NTRK3: variants seen among roughly 807,000 people sequenced by gnomAD.
NTRK3 encodes the protein NT-3 growth factor receptor.
NTRK3 carries 24 observed loss-of-function variants against 91.7 expected under a neutral mutation model. The ratio of observed to expected loss-of-function variants is 0.26; its 90% CI spans 0.19 to 0.37. NTRK3 has a LOEUF of 0.37. Ranked by LOEUF, NTRK3 falls within the 10% of genes least tolerant of loss-of-function variation. NTRK3 has a pLI of 1.00. For missense variants in NTRK3, 880 were observed against 1,068.9 expected (o/e 0.82, Z 2.46); for synonymous variants, 483 against 404.0 (o/e 1.20, Z -2.34).
chr15:87,899,251 T>C (rs1484836843), intron 17 of NTRK3, among the ~76,000 whole-genome samples: 2 of 152,178 alleles, frequency 1.3e-5, no homozygotes, highest in Non-Finnish European at 2.9e-5. Flanking sequence ...AGATTTAGGC[T>C]GGATTAGGGA....
chr15:87,953,538 T>G (rs767207171), intron 14 of NTRK3, among the ~76,000 whole-genome samples: 1 of 152,102 alleles, frequency 6.6e-6, no homozygotes, highest in Admixed American at 6.5e-5. Context: ...CAGTGGAAAA[T>G]AGAGAAGGGA....
intron 10 of NTRK3, 45 bp from the exon 11 acceptor site, chr15:88,128,779 C>A (rs370594604): frequency 1.3e-6 from 2 of 1,547,836 alleles, no homozygotes; most frequent in Non-Finnish European, 1.8e-6. Flanking sequence ...TTAATAAAAA[C>A]CAGAACAGAC....
intron 14 of NTRK3, among the ~76,000 whole-genome samples, chr15:87,981,606 C>A (rs2074278833): frequency 6.6e-6 from 1 of 152,180 alleles, no homozygotes; most frequent in South Asian, 2.1e-4. Context: ...AAGAAAGATT[C>A]ACCATCACCA....
intron 13 of NTRK3, among the ~76,000 whole-genome samples, chr15:88,111,224 GTCCT>G (rs1449665961): frequency 1.3e-5 from 2 of 152,310 alleles, no homozygotes; most frequent in East Asian, 3.9e-4. Context: ...CCTGGATAGG[GTCCT>G]TCCAAGGCAA....
At chr15:88,142,753 C>A (rs972985802) in intron 6 of NTRK3, among the ~76,000 whole-genome samples, 1 of 152,330 alleles carries the variant, frequency 6.6e-6, no homozygotes, top group Non-Finnish European at 1.5e-5. Flanking sequence ...AGTGAATACA[C>A]TGGGTTTAGT....
At chr15:88,030,589 T>A (rs1178576728) in intron 14 of NTRK3, among the ~76,000 whole-genome samples, 1 of 152,166 alleles carries the variant, frequency 6.6e-6, no homozygotes, top group Non-Finnish European at 1.5e-5. Context: ...GGATCCTCAT[T>A]ATTCACAGAT....
At chr15:88,115,598 C>T (rs992321983) in intron 13 of NTRK3, among the ~76,000 whole-genome samples, 1 of 152,222 alleles carries the variant, frequency 6.6e-6, no homozygotes, top group African/African-American at 2.4e-5. Flanking sequence ...AGCACAGAGG[C>T]CCCTTTGAAT....
chr15:87,931,883 T>C (rs898660346), intron 16 of NTRK3, among the ~76,000 whole-genome samples: 2 of 152,200 alleles, frequency 1.3e-5, no homozygotes, highest in African/African-American at 4.8e-5. Flanking sequence ...ATAATTTACA[T>C]TTGAACTTTG....
At chr15:87,893,037 A>T (rs2065927489) in intron 17 of NTRK3, among the ~76,000 whole-genome samples, 1 of 152,214 alleles carries the variant, frequency 6.6e-6, no homozygotes, top group Admixed American at 6.5e-5. Flanking sequence ...TACTTTGAAG[A>T]TTTTTGATGG....
chr15:87,860,378 G>A (rs374590857), exon 19 of NTRK3: 3 of 220,528 alleles, frequency 1.4e-5, no homozygotes, highest in African/African-American at 6.7e-5. Context: ...AAGGAAGGGT[G>A]AGATGAAGAA....
intron 15 of NTRK3, 83 bp from the exon 16 acceptor site, chr15:87,933,267 A>C (rs2141959955): frequency 7.5e-7 from 1 of 1,340,184 alleles, no homozygotes; most frequent in Non-Finnish European, 1.1e-6. Context: ...AACTGGCCCC[A>C]CACACCACTG....
chr15:87,985,193 G>C (rs1473332322), intron 14 of NTRK3, among the ~76,000 whole-genome samples: 1 of 152,206 alleles, frequency 6.6e-6, no homozygotes, highest in East Asian at 1.9e-4. Context: ...AGCATGGTCA[G>C]AAATCAGGTT....
intron 14 of NTRK3, among the ~76,000 whole-genome samples, chr15:88,015,897 T>C (rs2077202813): frequency 3.9e-5 from 6 of 151,976 alleles, no homozygotes; most frequent in Admixed American, 3.9e-4. Context: ...CCAATGTGAA[T>C]ATAGCCTGGC....
intron 18 of NTRK3, 124 bp downstream of exon 19, chr15:87,880,146 G>T: frequency 8.3e-7 from 1 of 1,201,332 alleles, no homozygotes; most frequent in Non-Finnish European, 1.2e-6. Context: ...TCCCACTAAT[G>T]CCTGCATTCA....
rs552243749 is a variant in NTRK3, at chr15:88,090,329, G to A, written c.1396+35942C>T. On this transcript the variant is annotated intron_variant, in intron 13 of 18. Transcript: ENST00000394480. ...ACTGTTTTATTTATTGCCAAATCCC[G>A]GTATGTAAGCCAGTACTTGGTGCCC... is the stretch of plus-strand genomic sequence containing the variant. 1.1e-4 allele frequency among the ~76,000 whole-genome samples: 16 copies of A among 152,210 alleles called. No individual in the cohort carries two copies. In the East Asian group the frequency reaches 2.7e-3, roughly 26 times the overall value.
chr15:88,062,427 G>A (rs1470384731), intron 13 of NTRK3, among the ~76,000 whole-genome samples: 1 of 152,134 alleles, frequency 6.6e-6, no homozygotes, highest in Non-Finnish European at 1.5e-5. Context: ...GCAGCCAATG[G>A]GATATAAACA....
chr15:87,860,591 G>C (rs2064499990), exon 19 of NTRK3: 1 of 205,250 alleles, frequency 4.9e-6, no homozygotes, highest in Non-Finnish European at 9.9e-6. Flanking sequence ...GATTCTCCAA[G>C]ACTCGCCAGG....
intron 6 of NTRK3, among the ~76,000 whole-genome samples, chr15:88,137,880 G>A (rs947663273): frequency 5.3e-5 from 8 of 152,030 alleles, no homozygotes; most frequent in Admixed American, 2.0e-4. Context: ...GTGAAACCCC[G>A]TCTCTACTAA....
intron 14 of NTRK3, among the ~76,000 whole-genome samples, chr15:88,031,489 T>A (rs970743819): frequency 6.6e-6 from 1 of 152,194 alleles, no homozygotes; most frequent in African/African-American, 2.4e-5. Context: ...AGTGAACTAA[T>A]CTTTGTTCTG....
Sources: allele counts gnomAD v4.1 joint callset (sites outside exome capture counted in the v4.1 genomes callset), GRCh38; gene constraint gnomAD v4.1.1; transcripts MANE v1.5; gene names NCBI Gene and HGNC (gene_info 2026-07-23, HGNC 2026-07-21).